Variants in TBX2 observed in about 807,000 individuals in gnomAD.
TBX2 encodes the protein T-box transcription factor 2.
Under a neutral mutation model 48.4 loss-of-function variants are expected in TBX2, and 19 were observed. That is an observed-to-expected ratio of 0.39 (90% CI 0.27 to 0.58). TBX2 has a LOEUF of 0.58. Ranked by LOEUF, TBX2 falls within the 20% of genes least tolerant of loss-of-function variation. The probability of loss-of-function intolerance (pLI) is 0.54; values close to 1 mark genes in which losing one functional copy is unlikely to be tolerated. For missense variants in TBX2, 994 were observed against 1,006.5 expected, an observed-to-expected ratio of 0.99 and a Z score of 0.17; for synonymous variants, 522 against 459.7, an observed-to-expected ratio of 1.14 and a Z score of -1.73.
intron 5 of TBX2, 171 bp downstream of exon 5, chr17:61,404,940 G>A: frequency 8.0e-7 from 1 of 1,244,346 alleles, no homozygotes; most frequent in African/African-American, 1.5e-5. Context: ...GCGGTCCCCG[G>A]TAGCCAGAAG....
Position 61,408,064 on chromosome 17 carries a change from T to C in TBX2, c.1697T>C (p.Met566Thr), listed in dbSNP as rs766245891. 3 of 1,582,584 alleles carry C rather than the reference T, an allele frequency of 1.9e-6. No individual in the cohort carries two copies. Among genetic ancestry groups the C allele is most frequent in the Admixed American group, 1.8e-5 (1 of 55,748 alleles). Residue 566 changes from methionine to threonine, a missense_variant, in exon 7 of 7, where the codon ATG becomes ACG. Coordinates refer to ENST00000240328, the MANE Select transcript of TBX2 (RefSeq NM_005994.4). ...TTCTGTTTCTTCCAGGGAATTCCAATGCCCACTTTCGGAGGCCTCTTCCCC... is the reference window on the plus strand; with the variant it reads ...TTCTGTTTCTTCCAGGGAATTCCAACGCCCACTTTCGGAGGCCTCTTCCCC... The part of the protein sequence containing the change: ...QHMLASQGIP[M>T]PTFGGLFPYP...
chr17:61,402,930 TAGAGAGAGAGAGAG>T (rs1555876930), intron 2 of TBX2, 117 bp from the exon 3 acceptor site: 30 of 172,688 alleles, frequency 1.7e-4, no homozygotes, highest in Middle Eastern at 1.4e-3. Flanking sequence ...GAAGAACCGA[TAGAGAGAGAGAGAG>T]AGAGAGAGAG....
rs200278983 is a variant in TBX2, at chr17:61,403,222, C to A, written c.810+15C>A. 129 of 1,611,052 alleles carry A rather than the reference C, an allele frequency of 8.0e-5. No homozygotes were observed. In the African/African-American group the frequency reaches 1.5e-3, roughly 18 times the overall value. The stretch of plus-strand genomic sequence containing the variant: ...AGAATGACAAGGTGCGCGCGGCGGG[C>A]GGTGGGCTAAGCCCCTGCACTGACG... On this transcript the variant is annotated intron_variant, in intron 3 of 6. Transcript: ENST00000240328. This position sits in a 1 kb window ranked among gnomAD's most constrained non-coding sequence, Gnocchi z 5.8.
chr17:61,402,043 G>C (rs1219258079), intron 2 of TBX2, 92 bp downstream of exon 2: 15 of 1,493,496 alleles, frequency 1.0e-5, no homozygotes, highest in Non-Finnish European at 1.2e-5. Context: ...ATCTCCCAGG[G>C]GGAAGCGCTG....
Position 61,405,797 on chromosome 17 carries a change from CT to C in TBX2, c.1649del (p.Phe550SerfsTer118). ...AASAASTAAP[F>X]PFHLSQHMLA... ...CCAGCGCAGCAAGCACCGCCGCGCCCTTCCCGTTCCACCTCTCCCAGCACAT... is the reference window on the plus strand; with the variant it reads ...CCAGCGCAGCAAGCACCGCCGCGCCCTCCCGTTCCACCTCTCCCAGCACAT... On this transcript the variant is annotated frameshift_variant, in exon 6 of 7. Transcript: ENST00000240328. LOFTEE classifies it high-confidence loss of function. The C allele has an allele frequency of 1.5e-6, 2 of 1,328,824 alleles. No individual in the cohort carries two copies. The highest frequency in any genetic ancestry group is 1.5e-5 in the African/African-American group (1 of 65,686). 82.3% of individuals were successfully genotyped at this position (1,328,824 alleles called of 1,614,324 possible). A position where few individuals can be genotyped will look rare whatever the true frequency, so the allele number is the denominator to read the frequency against.
intron 6 of TBX2, chr17:61,407,841 T>C (rs1157807000): frequency 1.7e-6 from 1 of 578,466 alleles, no homozygotes; most frequent in Non-Finnish European, 3.0e-6. Flanking sequence ...GGCCTTTGCA[T>C]GGTAGCCTGA....
chr17:61,400,467 C>T lies in TBX2; in HGVS notation c.291C>T (p.Pro97=). ...TGCGCTCCCTCAAGAGCCTGGAGCCCGAGGACGAGGTGGAGGACGACCCCA... is the reference window on the plus strand; with the variant it reads ...TGCGCTCCCTCAAGAGCCTGGAGCCTGAGGACGAGGTGGAGGACGACCCCA... ...AHLRSLKSLE[P]EDEVEDDPKV... The change falls in exon 1 of 7, where the codon CCC becomes CCT. Residue 97 remains proline, a synonymous_variant. Coordinates refer to ENST00000240328, the MANE Select transcript of TBX2 (RefSeq NM_005994.4). The surrounding 1 kb of genome is among the most constrained non-coding windows in gnomAD (Gnocchi z 9.2). 1.9e-6 allele frequency: 3 copies of T among 1,599,940 alleles called. No individual in the cohort carries two copies. Among genetic ancestry groups the T allele is most frequent in the Non-Finnish European group, 2.6e-6 (3 of 1,174,540 alleles).
At position 61,406,174 on chromosome 17, in the gene TBX2, C is replaced by A. The variant is rs1279850070; in HGVS notation, c.1686+338C>A. On this transcript the variant is annotated intron_variant, in intron 6 of 6. Transcript: ENST00000240328. The surrounding 1 kb of genome is among the most constrained non-coding windows in gnomAD (Gnocchi z 5.7). ...TTCTCACCCTCACAGACCAGGGCCA[C>A]CCCTGGCTTGTGAAGTCTTCTCTCC... 1 of 273,378 alleles carries A rather than the reference C, an allele frequency of 3.7e-6. No homozygotes were observed. Among genetic ancestry groups the A allele is most frequent in the Non-Finnish European group, 6.8e-6 (1 of 146,252 alleles). The allele number at this position is 273,378 out of a possible 1,614,324, so 16.9% of individuals were successfully genotyped here.
rs1457931639 is a variant in TBX2, at chr17:61,408,896, G to A, written c.*390G>A. 5.6e-6 allele frequency: 1 copy of A among 178,914 alleles called. No homozygotes were observed. The highest frequency in any genetic ancestry group is 1.2e-5 in the Non-Finnish European group (1 of 86,672). 11.1% of individuals were successfully genotyped at this position (178,914 alleles called of 1,614,324 possible). On this transcript the variant is annotated 3_prime_UTR_variant, in exon 7 of 7. Coordinates refer to ENST00000240328, the MANE Select transcript of TBX2 (RefSeq NM_005994.4). ...GGGAGTCCCAGAGCCCTGGACCTTGGGCCTAGACCGCGTGATAAAACTGGG... is the reference window on the plus strand; with the variant it reads ...GGGAGTCCCAGAGCCCTGGACCTTGAGCCTAGACCGCGTGATAAAACTGGG...
chr17:61,401,104 C>G (rs896366435), intron 1 of TBX2, among the ~76,000 whole-genome samples: 2 of 152,176 alleles, frequency 1.3e-5, no homozygotes, highest in Admixed American at 6.5e-5. Context: ...GCATCCGAGC[C>G]CTGGACGCAT....
In TBX2 at chr17:61,405,830, A is replaced by T. The variant is rs754938176; in HGVS notation, c.1680A>T (p.Ala560=). 16 of 1,316,452 alleles carry T rather than the reference A, an allele frequency of 1.2e-5. No individual in the cohort carries two copies. The highest frequency in any genetic ancestry group is 1.5e-5 in the Non-Finnish European group (16 of 1,039,382). The allele number at this position is 1,316,452 out of a possible 1,614,324, so 81.5% of individuals were successfully genotyped here. ...TCCACCTCTCCCAGCACATGCTGGCATCTCAGGTAAGGCCTGTGACCCCGC... is the reference window on the plus strand; with the variant it reads ...TCCACCTCTCCCAGCACATGCTGGCTTCTCAGGTAAGGCCTGTGACCCCGC... ...FPFHLSQHML[A]SQGIPMPTFG... Residue 560 remains alanine, a synonymous_variant, in exon 6 of 7, where the codon GCA becomes GCT. Transcript: ENST00000240328.
rs1379822721 is a variant in TBX2, at chr17:61,405,471, G to A, written c.1321G>A (p.Glu441Lys). ...RKDEGRKEAA[E>K]GKEQGLAPLV... ...GGACGAGGGGCGCAAGGAGGCGGCC[G>A]AGGGCAAGGAGCAGGGCCTGGCGCC... The change falls in exon 6 of 7, where the codon GAG becomes AAG. Residue 441 changes from glutamate to lysine, a missense_variant. Glu to Lys is a moderately conservative substitution (Grantham distance 56). Transcript: ENST00000240328. 1.4e-5 allele frequency: 22 copies of A among 1,577,642 alleles called. No individual in the cohort carries two copies. The highest frequency in any genetic ancestry group is 1.7e-5 in the Non-Finnish European group (20 of 1,165,368).
In TBX2 at chr17:61,400,588, G is replaced by C; in HGVS notation, c.395+17G>C. On this transcript the variant is annotated intron_variant, in intron 1 of 6. Transcript: ENST00000240328. This position sits in a 1 kb window ranked among gnomAD's most constrained non-coding sequence, Gnocchi z 9.2. ...GTCCGGGAGGTAGGGCTGCCGGCCG[G>C]CTGGAAGGCGCGCGGGCGGGCGGGC... The C allele has an allele frequency of 6.5e-7, 1 of 1,539,766 alleles. No individual in the cohort carries two copies. Among genetic ancestry groups the C allele is most frequent in the Non-Finnish European group, 8.8e-7 (1 of 1,141,336 alleles).
chr17:61,405,108 C>T (rs1483625702), intron 5 of TBX2, 94 bp from the exon 6 acceptor site: 2 of 1,497,076 alleles, frequency 1.3e-6, no homozygotes, highest in Non-Finnish European at 1.8e-6. Context: ...TCCTCCGACT[C>T]GGCCTCCCCG....
Position 61,408,106 on chromosome 17 carries a change from T to TGGCAGC in TBX2, c.1740_1745dup (p.Ala586_Ala587dup). 1 of 1,609,772 alleles carries TGGCAGC rather than the reference T, an allele frequency of 6.2e-7. No homozygotes were observed. The highest frequency in any genetic ancestry group is 8.5e-7 in the Non-Finnish European group (1 of 1,178,912). The stretch of plus-strand genomic sequence containing the variant: ...CTCTTCCCCTACCCCTACACCTACA[T>TGGCAGC]GGCAGCAGCAGCCGCAGCCGCCTCG... On this transcript the variant is annotated inframe_insertion, in exon 7 of 7. Transcript: ENST00000240328.
At chr17:61,405,937 T>A (rs892744538) in intron 6 of TBX2, 101 bp downstream of exon 6, 2 of 1,181,762 alleles carry the variant, frequency 1.7e-6, no homozygotes, top group Admixed American at 8.5e-5. Flanking sequence ...GTCGCTGGGA[T>A]CCTCTGGCAG....
intron 5 of TBX2, 39 bp from the exon 6 acceptor site, chr17:61,405,163 C>T: frequency 6.8e-7 from 1 of 1,462,004 alleles, no homozygotes; most frequent in Non-Finnish European, 9.0e-7. Flanking sequence ...CGTCGGCCTC[C>T]GCCCAGGCCC....
Position 61,403,057 on chromosome 17 carries a change from G to T in TBX2, c.664-4G>T. 1.2e-6 allele frequency: 2 copies of T among 1,603,918 alleles called. No homozygotes were observed. Among genetic ancestry groups the T allele is most frequent in the Non-Finnish European group, 8.5e-7 (1 of 1,175,982 alleles). ...CTGCCGGCTGACCCCCACCCTCCCC[G>T]CAGACCATCCTAAACTCCATGCACA... On this transcript the variant is annotated splice_polypyrimidine_tract_variant and splice_region_variant and intron_variant, in intron 2 of 6. Transcript: ENST00000240328. The surrounding 1 kb of genome is among the most constrained non-coding windows in gnomAD (Gnocchi z 5.8).
At chr17:61,401,998 A>G (rs1237998452) in intron 2 of TBX2, 47 bp downstream of exon 2, 24 of 1,540,598 alleles carry the variant, frequency 1.6e-5, no homozygotes, top group Non-Finnish European at 2.1e-5. Flanking sequence ...TTGTTGACCC[A>G]GCACTGCAGC....
Sources: allele counts gnomAD v4.1 joint callset (sites outside exome capture counted in the v4.1 genomes callset), GRCh38; gene constraint gnomAD v4.1.1; non-coding constraint Gnocchi (gnomAD v3.1); transcripts MANE v1.5; gene names NCBI Gene and HGNC (gene_info 2026-07-23, HGNC 2026-07-21).